The following ANK2 variants were observed in gnomAD, a reference collection of about 807,000 sequenced individuals.
The protein encoded by ANK2 is ankyrin-2.
A neutral mutation model predicts 360.5 loss-of-function variants in ANK2; 83 were observed. That is an observed-to-expected ratio of 0.23 (90% confidence interval 0.19 to 0.28). The LOEUF (loss-of-function observed/expected upper bound fraction) is 0.28, where lower values mean the gene tolerates loss of function less well. Among genes scored for constraint, ANK2 ranks in the 10% least tolerant of loss-of-function variants. ANK2 has a pLI of 1.00. For synonymous variants in ANK2, 1,740 were observed against 1,759.5 expected (o/e 0.99, Z 0.28); for missense variants, 4,201 against 4,795.7 (o/e 0.88, Z 3.66).
chr4:113,369,400 T>C, intron 42 of ANK2, 114 bp from the exon 43 acceptor site: 1 of 1,096,700 alleles, frequency 9.1e-7, no homozygotes, highest in South Asian at 1.3e-5. Context: ...AAAAACTATT[T>C]TGACTGTCAT....
the ANK2 span, among the ~76,000 whole-genome samples, chr4:112,712,680 TA>T: frequency 6.6e-6 from 1 of 152,092 alleles, no homozygotes; most frequent in Non-Finnish European, 1.5e-5. Context: ...GTGCTGGGAT[TA>T]CAGGCATGAG....
In ANK2 at chr4:113,354,515, C is replaced by T. The variant is rs1302267440; in HGVS notation, c.5897C>T (p.Ser1966Phe). 8 of 1,614,150 alleles carry T rather than the reference C, an allele frequency of 5.0e-6. No homozygotes were observed. Among genetic ancestry groups the T allele is most frequent in the Non-Finnish European group, 6.8e-6 (8 of 1,179,994 alleles). The change falls in exon 38 of 46, where the codon TCT becomes TTT. Residue 1966 changes from serine to phenylalanine, a missense_variant. Around this residue, in one of 4 missense-constraint regions of ANK2, gnomAD observed 2,642 missense variants for 2,714.5 expected, o/e 0.97. Transcript: ENST00000357077. ...GAGAAGCACCTGCCTGTGTCACCTT[C>T]TGGCAAAACAGAAAAGCAACCACCT... ...KTEKHLPVSP[S>F]GKTEKQPPVS...
At chr4:112,825,816 G>A (rs981173687) in intron 1 of ANK2, among the ~76,000 whole-genome samples, 2 of 152,224 alleles carry the variant, frequency 1.3e-5, no homozygotes, top group African/African-American at 2.4e-5. Context: ...CAAAGGAGGT[G>A]TGATCTAATG....
chr4:112,889,395 A>G (rs553554328), intron 1 of ANK2, among the ~76,000 whole-genome samples: 148 of 152,296 alleles, frequency 9.7e-4, no homozygotes, highest in African/African-American at 3.2e-3. Context: ...TTATGGATGT[A>G]TGCTCTACAT....
At chr4:113,274,743 T>G in intron 15 of ANK2, 94 bp downstream of exon 15, 1 of 1,335,382 alleles carries the variant, frequency 7.5e-7, no homozygotes, top group Non-Finnish European at 1.1e-6. Flanking sequence ...AGGGTAGATC[T>G]CCTCAGGCCT....
intron 18 of ANK2, among the ~76,000 whole-genome samples, chr4:113,286,169 C>T (rs1191265874): frequency 1.3e-5 from 2 of 152,176 alleles, no homozygotes; most frequent in Non-Finnish European, 2.9e-5. Context: ...TTTAAACAGA[C>T]TATCTCTGTA....
At chr4:112,900,291 G>A (rs1317131485) in intron 1 of ANK2, among the ~76,000 whole-genome samples, 1 of 152,054 alleles carries the variant, frequency 6.6e-6, no homozygotes, top group African/African-American at 2.4e-5. Context: ...CCCTCTTTAA[G>A]ATAGTTTAAT....
chr4:113,007,686 A>G (rs1292353050), intron 2 of ANK2, among the ~76,000 whole-genome samples: 1 of 152,162 alleles, frequency 6.6e-6, no homozygotes, highest in East Asian at 1.9e-4. Flanking sequence ...TGTACCTTAA[A>G]CTACAATTAA....
chr4:112,921,235 G>T (rs2091411271), intron 2 of ANK2, among the ~76,000 whole-genome samples: 1 of 151,762 alleles, frequency 6.6e-6, no homozygotes, highest in African/African-American at 2.4e-5. Context: ...ATGTTACCCA[G>T]GCTGGTCTTG....
chr4:113,180,719 A>G (rs1426525789), intron 2 of ANK2, among the ~76,000 whole-genome samples: 1 of 152,232 alleles, frequency 6.6e-6, no homozygotes, highest in East Asian at 1.9e-4. Context: ...AAAAACAACA[A>G]AAATGAATAG....
chr4:113,149,552 A>G (rs2096958786), intron 1 of ANK2, among the ~76,000 whole-genome samples: 2 of 152,132 alleles, frequency 1.3e-5, no homozygotes, highest in African/African-American at 4.8e-5. Flanking sequence ...AATGATTTAG[A>G]TATGGTTATG....
At chr4:112,860,171 A>T (rs2067522149) in intron 1 of ANK2, among the ~76,000 whole-genome samples, 1 of 152,158 alleles carries the variant, frequency 6.6e-6, no homozygotes, top group Non-Finnish European at 1.5e-5. Flanking sequence ...CAGTCTTTGG[A>T]GCCAGATTTA....
chr4:113,093,317 T>C (rs767265133), intron 1 of ANK2, among the ~76,000 whole-genome samples: 2 of 152,138 alleles, frequency 1.3e-5, no homozygotes, highest in Non-Finnish European at 2.9e-5. Context: ...CCCAAATCCA[T>C]TATTTATATA....
the ANK2 span, among the ~76,000 whole-genome samples, chr4:112,759,065 C>G: frequency 6.6e-6 from 1 of 152,080 alleles, no homozygotes; most frequent in Non-Finnish European, 1.5e-5. Context: ...TTATTTCTCC[C>G]TAGTTTTTCT....
chr4:113,317,641 T>C, intron 24 of ANK2, 66 bp from the exon 25 acceptor site: 2 of 1,261,892 alleles, frequency 1.6e-6, no homozygotes, highest in Admixed American at 3.4e-5. Context: ...GCTCGGCTCA[T>C]CATTTTGTCA....
At chr4:112,971,279 C>T (rs747185892) in intron 2 of ANK2, among the ~76,000 whole-genome samples, 9 of 152,160 alleles carry the variant, frequency 5.9e-5, no homozygotes, top group African/African-American at 9.7e-5. Context: ...ACCTTAGGTT[C>T]CAGCAGACAG....
At chr4:112,777,088 A>C in the ANK2 span, among the ~76,000 whole-genome samples, 6 of 152,224 alleles carry the variant, frequency 3.9e-5, no homozygotes, top group African/African-American at 1.4e-4. Context: ...GAATGTTGGC[A>C]TAATATATTC....
intron 9 of ANK2, among the ~76,000 whole-genome samples, chr4:113,246,504 A>T (rs1181982063): frequency 1.3e-5 from 2 of 152,194 alleles, no homozygotes; most frequent in Non-Finnish European, 2.9e-5. Context: ...AGCTAGTGAA[A>T]ATGAAATTAT....
chr4:112,980,091 C>G (rs1289074442), intron 2 of ANK2: 1 of 152,284 alleles, frequency 6.6e-6, no homozygotes, highest in Non-Finnish European at 1.5e-5. Context: ...GGCAGAGCTG[C>G]CCTCAGCCAC....
Sources: gnomAD v4.1 joint callset for allele counts (sites outside exome capture counted in the v4.1 genomes callset) on GRCh38, gnomAD v4.1.1 for gene constraint, gnomAD v4.1.1 regional missense constraint, MANE v1.5 for transcripts, NCBI Gene and HGNC (gene_info 2026-07-23, HGNC 2026-07-21) for gene names.